Variants in SEL1L3 observed in about 807,000 individuals in gnomAD.
The protein encoded by SEL1L3 is protein sel-1 homolog 3.
A neutral mutation model predicts 142.8 loss-of-function variants in SEL1L3; 76 were observed. That is an observed-to-expected ratio of 0.53 (90% confidence interval 0.44 to 0.64). The LOEUF is 0.64. SEL1L3 is among the 30% of genes least tolerant of loss of function. The pLI is 0.00. For missense variants in SEL1L3, 1,262 were observed against 1,381.7 expected (o/e 0.91, Z 1.37); for synonymous variants, 504 against 519.6 (o/e 0.97, Z 0.41).
downstream of SEL1L3, among the ~76,000 whole-genome samples, chr4:25,742,636 G>A (rs1010701749): frequency 2.6e-5 from 4 of 152,168 alleles, no homozygotes; most frequent in Non-Finnish European, 5.9e-5. Flanking sequence ...AACATCTAAT[G>A]AGTTCATAGT....
At chr4:25,786,741 T>A (rs971217058) in intron 13 of SEL1L3, among the ~76,000 whole-genome samples, 5 of 152,220 alleles carry the variant, frequency 3.3e-5, no homozygotes, top group African/African-American at 4.8e-5. Context: ...TGGATGCTTA[T>A]TGAACAAACA....
chr4:25,816,827 T>G (rs1183546920), intron 9 of SEL1L3, among the ~76,000 whole-genome samples: 1 of 152,078 alleles, frequency 6.6e-6, no homozygotes, highest in Non-Finnish European at 1.5e-5. Context: ...CCTCTCAGGG[T>G]CTGCTCTGCC....
In SEL1L3 at chr4:25,748,370, A is replaced by G. The variant is rs976941347; in HGVS notation, c.*55T>C. 1 of 1,536,616 alleles carries G rather than the reference A, an allele frequency of 6.5e-7. No homozygotes were observed. The highest frequency in any genetic ancestry group is 1.4e-5 in the African/African-American group (1 of 73,240). Reference sequence around the variant, plus strand: ...GATCATGCCCTGGCCCCAGCTTCCCAATACCAGCTGTTGAAAAGATTCTCT... The same window carrying G: ...GATCATGCCCTGGCCCCAGCTTCCCGATACCAGCTGTTGAAAAGATTCTCT... On this transcript the variant is annotated 3_prime_UTR_variant, in exon 24 of 24. Coordinates refer to ENST00000399878, the MANE Select transcript of SEL1L3 (RefSeq NM_015187.5).
At chr4:25,722,649 G>T in the SEL1L3 span, among the ~76,000 whole-genome samples, 1 of 97,726 alleles carries the variant, frequency 1.0e-5, no homozygotes. Flanking sequence ...TAGAGATAGG[G>T]TCTTGCTGTA....
chr4:25,855,597 A>G (rs939064079), intron 1 of SEL1L3, among the ~76,000 whole-genome samples: 3 of 152,192 alleles, frequency 2.0e-5, no homozygotes, highest in Admixed American at 6.5e-5. Context: ...CTCTGCTAAA[A>G]ATACAAAAAA....
chr4:25,717,850 A>G, the SEL1L3 span, among the ~76,000 whole-genome samples: 651 of 152,308 alleles, frequency 4.3e-3, 7 homozygotes, highest in African/African-American at 0.014. Context: ...CTAGAAGATT[A>G]ACTAAGATAA....
At chr4:25,821,946 C>A in intron 7 of SEL1L3, 50 bp downstream of exon 7, 1 of 1,588,804 alleles carries the variant, frequency 6.3e-7, no homozygotes, top group Non-Finnish European at 8.6e-7. Context: ...CCCTGAGGCC[C>A]ACACCCATCA....
chr4:25,828,887 C>T (rs930483577), intron 6 of SEL1L3, among the ~76,000 whole-genome samples: 3 of 152,220 alleles, frequency 2.0e-5, no homozygotes, highest in African/African-American at 4.8e-5. Flanking sequence ...TAAAACACTC[C>T]TCATCCCAGA....
At chr4:25,856,325 C>T (rs1029374250) in intron 1 of SEL1L3, among the ~76,000 whole-genome samples, 8 of 152,000 alleles carry the variant, frequency 5.3e-5, no homozygotes, top group African/African-American at 1.7e-4. Flanking sequence ...CTAAATGCAC[C>T]GCAACTCTAA....
At chr4:25,733,068 T>C in the SEL1L3 span, among the ~76,000 whole-genome samples, 1 of 152,046 alleles carries the variant, frequency 6.6e-6, no homozygotes, top group Admixed American at 6.6e-5. Flanking sequence ...TTGTTATTTT[T>C]TTTTTTTCCC....
At position 25,833,088 on chromosome 4, in the gene SEL1L3, A is replaced by G; in HGVS notation, c.1005T>C (p.His335=). Residue 335 remains histidine (H), a synonymous_variant, in exon 5 of 24, where the codon CAT becomes CAC. Coordinates refer to ENST00000399878, the MANE Select transcript of SEL1L3 (RefSeq NM_015187.5). The part of the protein sequence containing the change: ...TEEGYLHIQM[H]LVKGEDLAVK... ...CAGCAAGGTCTTCCCCTTTGACAAGATGCATCTGAATATGCAAATAGCCTA... is the reference window on the plus strand; with the variant it reads ...CAGCAAGGTCTTCCCCTTTGACAAGGTGCATCTGAATATGCAAATAGCCTA... 2 of 1,605,054 alleles carry G rather than the reference A, an allele frequency of 1.2e-6. No homozygotes were observed. Among genetic ancestry groups the G allele is most frequent in the Non-Finnish European group, 1.7e-6 (2 of 1,171,862 alleles).
chr4:25,804,458 C>T, intron 10 of SEL1L3, 83 bp downstream of exon 10: 2 of 999,478 alleles, frequency 2.0e-6, no homozygotes, highest in Non-Finnish European at 3.1e-6. Flanking sequence ...TGCAACATGT[C>T]CAGTTCTACC....
intron 20 of SEL1L3, 115 bp downstream of exon 20, chr4:25,765,211 C>A (rs1162454651): frequency 2.8e-6 from 2 of 708,532 alleles, no homozygotes; most frequent in African/African-American, 3.5e-5. Flanking sequence ...TCAGGCTGGT[C>A]CCGAATTCCT....
the SEL1L3 span, chr4:25,718,430 A>T: frequency 6.6e-6 from 1 of 152,202 alleles, no homozygotes; most frequent in Non-Finnish European, 1.5e-5. Flanking sequence ...AATATGGTTC[A>T]TCTATGGACT....
intron 11 of SEL1L3, among the ~76,000 whole-genome samples, chr4:25,796,320 C>G (rs566562645): frequency 1.3e-5 from 2 of 152,024 alleles, no homozygotes; most frequent in Non-Finnish European, 2.9e-5. Context: ...AAGGCTGGGG[C>G]GCAGTGGCTC....
At chr4:25,798,809 T>C (rs1289390434) in intron 11 of SEL1L3, among the ~76,000 whole-genome samples, 1 of 151,818 alleles carries the variant, frequency 6.6e-6, no homozygotes, top group Non-Finnish European at 1.5e-5. Flanking sequence ...GCCTGGGTGA[T>C]AAGAGTGAGA....
In SEL1L3 at chr4:25,818,214, G is replaced by C; in HGVS notation, c.1488C>G (p.Ala496=). 6.2e-7 allele frequency: 1 copy of C among 1,605,854 alleles called. No individual in the cohort carries two copies. The highest frequency in any genetic ancestry group is 1.3e-5 in the African/African-American group (1 of 74,916). Residue 496 remains alanine, a synonymous_variant, in exon 9 of 24, where the codon GCC becomes GCG. Transcript: ENST00000399878. The part of the protein sequence containing the change: ...RRYGRPSMCR[A]FPWEKELKDK... The stretch of plus-strand genomic sequence containing the variant: ...CTTTCAGCTCCTTCTCCCAGGGGAA[G>C]GCTCTGCACATCGAGGGTCTCCCAT...
the SEL1L3 span, among the ~76,000 whole-genome samples, chr4:25,730,795 G>C: frequency 6.6e-6 from 1 of 152,086 alleles, no homozygotes. Flanking sequence ...TTGGGAGGCC[G>C]AGGTGGGCAG....
At position 25,779,157 on chromosome 4, in the gene SEL1L3, A is replaced by G. The variant is rs1719835293; in HGVS notation, c.2504T>C (p.Met835Thr). The change falls in exon 16 of 24, where the codon ATG becomes ACG. Residue 835 changes from methionine to threonine, a missense_variant. Physicochemically the swap from Met to Thr is moderately conservative, Grantham distance 81. This residue lies in a region of SEL1L3 where 435 missense variants were observed against 559.2 expected (regional missense o/e 0.78). Transcript: ENST00000399878. ...GAGAGAACACCACAAGGTCCCTTCC[A>G]TGTGTCCACCTTGCGCAGCCTTATG... ...YFHKAAQGGHMEGTLWCSLYY... is the reference protein window; with the variant it reads ...YFHKAAQGGHTEGTLWCSLYY... The G allele has an allele frequency of 1.9e-6, 3 of 1,613,606 alleles. No homozygotes were observed. The highest frequency in any genetic ancestry group is 2.2e-5 in the East Asian group (1 of 44,878).
Sources: gnomAD v4.1 joint callset for allele counts (sites outside exome capture counted in the v4.1 genomes callset) on GRCh38, gnomAD v4.1.1 for gene constraint, gnomAD v4.1.1 regional missense constraint, MANE v1.5 for transcripts, NCBI Gene and HGNC (gene_info 2026-07-23, HGNC 2026-07-21) for gene names.